The following IGLL5 variants were observed in gnomAD, a reference collection of about 807,000 sequenced individuals.
IGLL5 encodes immunoglobulin lambda like polypeptide 5, also known as immunoglobulin lambda-like polypeptide 5.
IGLL5 carries 30 observed loss-of-function variants against 20.9 expected under a neutral mutation model. That is an observed-to-expected ratio of 1.44 (90% CI 1.07 to 1.95). The LOEUF is 1.95. Among genes scored for constraint, IGLL5 ranks in the 30% most tolerant of loss-of-function variants. The pLI, the probability that IGLL5 is intolerant of heterozygous loss-of-function variation, is 0.00. For missense variants in IGLL5, 475 were observed against 270.7 expected, an observed-to-expected ratio of 1.75 and a Z score of -5.30; for synonymous variants, 203 against 117.3, an observed-to-expected ratio of 1.73 and a Z score of -4.72.
chr22:22,890,050 C>A (rs2067770881), intron 1 of IGLL5, among the ~76,000 whole-genome samples: 1 of 150,478 alleles, frequency 6.6e-6, no homozygotes, highest in African/African-American at 2.4e-5. Flanking sequence ...CAAAAAGAGA[C>A]ATTTCTTCTA....
In IGLL5 at chr22:22,888,192, A is replaced by C. The variant is rs574751922; in HGVS notation, c.139A>C (p.Ser47Arg). 9 of 1,548,816 alleles carry C rather than the reference A, an allele frequency of 5.8e-6. No homozygotes were observed. In the African/African-American group the frequency reaches 8.2e-5, roughly 14 times the overall value. ...GLLRPMVAPQ[S>R]GDPDPGASVG... ...GCTGCGCCCAATGGTTGCACCGCAA[A>C]GCGGGGACCCAGACCCTGGAGCCTC... The change falls in exon 1 of 3, where the codon AGC (serine) becomes CGC (arginine). Residue 47 changes from serine to arginine, a missense_variant. Transcript: ENST00000526893.
intron 1 of IGLL5, among the ~76,000 whole-genome samples, chr22:22,892,536 C>T (rs574880645): frequency 3.3e-5 from 5 of 151,010 alleles, no homozygotes; most frequent in Admixed American, 6.6e-5. Flanking sequence ...AGGCATTCTG[C>T]GATGTCCCCA....
chr22:22,893,962 TGC>T (rs2067957590), intron 2 of IGLL5, 144 bp downstream of exon 2: 1 of 692,918 alleles, frequency 1.4e-6, no homozygotes, highest in Admixed American at 2.2e-5. Flanking sequence ...CTGGAGGAGG[TGC>T]ATTAGTCTCC....
intron 1 of IGLL5, among the ~76,000 whole-genome samples, chr22:22,891,917 GTGTT>G (rs1386425473): frequency 6.0e-5 from 9 of 151,200 alleles, no homozygotes; most frequent in East Asian, 4.1e-4. Context: ...GTGTGTGTGT[GTGTT>G]TGTGTGTTTA....
intron 2 of IGLL5, among the ~76,000 whole-genome samples, chr22:22,894,631 C>T (rs2146043782): frequency 6.6e-6 from 1 of 151,212 alleles, no homozygotes; most frequent in African/African-American, 2.4e-5. Context: ...CAGAGAACTC[C>T]ATGGCTACCA....
chr22:22,887,923 C>G lies in IGLL5; in HGVS notation c.-131C>G. On this transcript the variant is annotated 5_prime_UTR_variant, in exon 1 of 3. Coordinates refer to ENST00000526893, the MANE Select transcript of IGLL5 (RefSeq NM_001178126.2). ...GCTAGGGACAGGGACCAGAGCCAGTCCAGGGAGAGGACAGAGCCAATGGAC... is the reference window on the plus strand; with the variant it reads ...GCTAGGGACAGGGACCAGAGCCAGTGCAGGGAGAGGACAGAGCCAATGGAC... 1 of 775,662 alleles carries G rather than the reference C, an allele frequency of 1.3e-6. No homozygotes were observed. The highest frequency in any genetic ancestry group is 2.2e-6 in the Non-Finnish European group (1 of 446,710). 48.0% of individuals were successfully genotyped at this position (775,662 alleles called of 1,614,324 possible).
chr22:22,894,265 A>G lies in IGLL5; in HGVS notation c.325+447A>G, dbSNP rs1273023548. On this transcript the variant is annotated intron_variant, in intron 2 of 2. Transcript: ENST00000526893. Reference sequence around the variant, plus strand: ...GCTGAGGGTCTAGGCTGAGGACTGGATGCCAATCCAGCCTGGGAGGGCCAC... The same window carrying G: ...GCTGAGGGTCTAGGCTGAGGACTGGGTGCCAATCCAGCCTGGGAGGGCCAC... Among the ~76,000 whole-genome samples, 7 of 150,452 alleles carry G rather than the reference A, an allele frequency of 4.7e-5. 1 individual carries two copies. The highest frequency in any genetic ancestry group is 2.1e-4 in the South Asian group (1 of 4,718).
intron 1 of IGLL5, among the ~76,000 whole-genome samples, chr22:22,892,983 C>CA (rs2067894974): frequency 6.6e-6 from 1 of 151,004 alleles, no homozygotes; most frequent in African/African-American, 2.4e-5. Flanking sequence ...TGAACTGGGG[C>CA]AAAGGACTGT....
intron 2 of IGLL5, 68 bp downstream of exon 2, chr22:22,893,886 C>CCCAGGGCAGATG (rs2067941661): frequency 9.2e-7 from 1 of 1,087,504 alleles, no homozygotes; most frequent in Non-Finnish European, 1.4e-6. Flanking sequence ...TGTTTTCTCT[C>CCCAGGGCAGATG]TCTGGGGCTT....
At position 22,888,163 on chromosome 22, in the gene IGLL5, G is replaced by A. The variant is rs574663447; in HGVS notation, c.110G>A (p.Gly37Asp). The A allele has an allele frequency of 2.6e-6, 4 of 1,549,222 alleles. No homozygotes were observed. Among genetic ancestry groups the A allele is most frequent in the African/African-American group, 1.4e-5 (1 of 72,930 alleles). ...LLLGLAMVAH[G>D]LLRPMVAPQS... ...CTGGGTCTGGCCATGGTCGCCCATG[G>A]CCTGCTGCGCCCAATGGTTGCACCG... is the stretch of plus-strand genomic sequence containing the variant. Residue 37 changes from glycine to aspartate, a missense_variant, in exon 1 of 3, where the codon GGC becomes GAC. Gly to Asp is a moderately conservative substitution (Grantham distance 94). Coordinates refer to ENST00000526893, the MANE Select transcript of IGLL5 (RefSeq NM_001178126.2).
chr22:22,889,517 A>G (rs2067728454), intron 1 of IGLL5, among the ~76,000 whole-genome samples: 3 of 151,350 alleles, frequency 2.0e-5, no homozygotes, highest in Admixed American at 6.6e-5. Context: ...ATTATTAGTG[A>G]TGGGAGAAAA....
In IGLL5 at chr22:22,894,890, G is replaced by A. The variant is rs141729563; in HGVS notation, c.326-485G>A. Among the ~76,000 whole-genome samples the A allele has an allele frequency of 1.3e-5, 2 of 151,448 alleles. 1 individual carries two copies. Among genetic ancestry groups the A allele is most frequent in the Non-Finnish European group, 2.9e-5 (2 of 67,890 alleles). ...TGCCTGTGAGGGATAGGAAGCTCCA[G>A]TTCAAAGCAGGCTTGGGTCTCCCCA... On this transcript the variant is annotated intron_variant, in intron 2 of 2. Transcript: ENST00000526893.
chr22:22,890,057 T>G, intron 1 of IGLL5, among the ~76,000 whole-genome samples: 1 of 150,920 alleles, frequency 6.6e-6, no homozygotes, highest in East Asian at 2.0e-4. Context: ...AGACATTTCT[T>G]CTAATATAAT....
chr22:22,893,638 C>G lies in IGLL5; in HGVS notation c.207-62C>G, dbSNP rs1436070453. On this transcript the variant is annotated intron_variant, in intron 1 of 2. Transcript: ENST00000526893. ...ACACCTCTAGGGGGCTGGCCACCCC[C>G]CTGCCTCATGTCTAGGTCCCAGCCC... is the stretch of plus-strand genomic sequence containing the variant. 3 of 1,038,398 alleles carry G rather than the reference C, an allele frequency of 2.9e-6. No homozygotes were observed. In the African/African-American group the frequency reaches 4.7e-5, roughly 16 times the overall value. 64.3% of individuals were successfully genotyped at this position (1,038,398 alleles called of 1,614,324 possible). A position where few individuals can be genotyped will look rare whatever the true frequency, so the allele number is the denominator to read the frequency against.
chr22:22,894,755 T>G (rs2066693631), intron 2 of IGLL5, among the ~76,000 whole-genome samples: 1 of 151,102 alleles, frequency 6.6e-6, no homozygotes, highest in Non-Finnish European at 1.5e-5. Flanking sequence ...GTGGTCGGGC[T>G]TGTGGAGACA....
At chr22:22,894,745 G>A (rs566482755) in intron 2 of IGLL5, among the ~76,000 whole-genome samples, 1 of 151,404 alleles carries the variant, frequency 6.6e-6, no homozygotes, top group African/African-American at 2.4e-5. Context: ...GAAGGGTTCT[G>A]TGGTCGGGCT....
chr22:22,888,752 A>T (rs148892588), intron 1 of IGLL5, among the ~76,000 whole-genome samples: 4 of 151,242 alleles, frequency 2.6e-5, no homozygotes, highest in South Asian at 2.1e-4. Flanking sequence ...CTTGCACATA[A>T]ATGCTTACTG....
chr22:22,887,837 G>C lies in IGLL5; in HGVS notation c.-217G>C, dbSNP rs2067550882. 5.0e-6 allele frequency: 3 copies of C among 605,518 alleles called. No homozygotes were observed. The highest frequency in any genetic ancestry group is 2.9e-5 in the Admixed American group (1 of 34,542). 37.5% of individuals were successfully genotyped at this position (605,518 alleles called of 1,614,324 possible). ...GATTGTGACCGCTTCAGGGCAGTTG[G>C]TAGATGCCCCTCTGGGAGAGATCCC... is the stretch of plus-strand genomic sequence containing the variant. On this transcript the variant is annotated 5_prime_UTR_variant, in exon 1 of 3. Transcript: ENST00000526893.
At chr22:22,889,538 T>C (rs2067730762) in intron 1 of IGLL5, among the ~76,000 whole-genome samples, 3 of 151,116 alleles carry the variant, frequency 2.0e-5, no homozygotes, top group South Asian at 2.1e-4. Flanking sequence ...CTGGAAAAAA[T>C]CCAAATATCT....
Sources: allele counts gnomAD v4.1 joint callset (sites outside exome capture counted in the v4.1 genomes callset), GRCh38; gene constraint gnomAD v4.1.1; transcripts MANE v1.5; gene names NCBI Gene and HGNC (gene_info 2026-07-23, HGNC 2026-07-21).